Variants in CYRIB observed in about 807,000 individuals in gnomAD.
The protein encoded by CYRIB is CYFIP-related Rac1 interactor B.
CYRIB carries 8 observed loss-of-function variants against 44.2 expected under a neutral mutation model. The ratio of observed to expected loss-of-function variants is 0.18; its 90% CI spans 0.11 to 0.33. The LOEUF (loss-of-function observed/expected upper bound fraction) is 0.33. Among genes scored for constraint, CYRIB ranks in the 10% least tolerant of loss-of-function variants. The pLI, the probability that CYRIB is intolerant of heterozygous loss-of-function variation, is 1.00. For missense variants in CYRIB, 185 were observed against 382.8 expected, an observed-to-expected ratio of 0.48 and a Z score of 4.31; for synonymous variants, 131 against 127.2, an observed-to-expected ratio of 1.03 and a Z score of -0.20.
intron 1 of CYRIB, among the ~76,000 whole-genome samples, chr8:129,918,223 T>C (rs1478496889): frequency 6.6e-6 from 1 of 152,138 alleles, no homozygotes; most frequent in East Asian, 1.9e-4. Context: ...ATGTTTCTAA[T>C]ATATAGCCAG....
At chr8:129,965,813 T>C (rs902259268) in intron 2 of CYRIB, among the ~76,000 whole-genome samples, 2 of 151,002 alleles carry the variant, frequency 1.3e-5, no homozygotes, top group African/African-American at 4.9e-5. Context: ...AAAAAGAATA[T>C]ACATTCAATC....
intron 1 of CYRIB, among the ~76,000 whole-genome samples, chr8:130,001,525 C>CTTTTTTTTTTT (rs1325066581): frequency 1.1e-4 from 13 of 120,346 alleles, no homozygotes; most frequent in Non-Finnish European, 1.9e-4. Context: ...AAAATAATTT[C>CTTTTTTTTTTT]TTTTTTTTTT....
intron 1 of CYRIB, among the ~76,000 whole-genome samples, chr8:129,994,913 C>A (rs976464771): frequency 6.6e-6 from 1 of 152,256 alleles, no homozygotes; most frequent in Non-Finnish European, 1.5e-5. Flanking sequence ...CAACCTCTTC[C>A]TGCCCCTGCA....
At chr8:129,990,497 CGTGTGT>C (rs34534615) in intron 1 of CYRIB, among the ~76,000 whole-genome samples, 1,515 of 147,332 alleles carry the variant, frequency 0.01, 16 homozygotes, top group African/African-American at 0.028. Context: ...TGTGTGTATG[CGTGTGT>C]GTGTGTGTGT....
At chr8:129,862,319 C>T in exon 5 of CYRIB, 3 of 1,610,996 alleles carry the variant, frequency 1.9e-6, no homozygotes, top group Non-Finnish European at 2.5e-6. Context: ...TTCTCATCTG[C>T]TGGATGCTGG....
intron 2 of CYRIB, among the ~76,000 whole-genome samples, chr8:129,883,291 A>AC (rs557583706): frequency 6.6e-6 from 1 of 151,652 alleles, no homozygotes; most frequent in South Asian, 2.1e-4. Flanking sequence ...ACTAGCAGCT[A>AC]CCCCCCATAC....
In CYRIB at chr8:129,854,827, A is replaced by T. The variant is rs146876711; in HGVS notation, c.439-484T>A. Among the ~76,000 whole-genome samples the T allele has an allele frequency of 1.8e-3, 268 of 152,304 alleles. 1 individual carries two copies. The highest frequency in any genetic ancestry group is 6.2e-3 in the African/African-American group (257 of 41,582). ...CAAAGGACGTGCCCAACGTCTCATG[A>T]CTAGGGTTACTGTGGCAGAGTATAA... is the stretch of plus-strand genomic sequence containing the variant. On this transcript the variant is annotated intron_variant, in intron 6 of 11. Transcript: ENST00000519824.
chr8:129,959,059 C>CA (rs60576774), intron 2 of CYRIB, among the ~76,000 whole-genome samples: 1,399 of 68,106 alleles, frequency 0.021, 59 homozygotes, highest in Non-Finnish European at 0.023. Context: ...GACTCTGTCT[C>CA]AAAAAAAAAA....
At chr8:129,979,501 G>A (rs1225495680) in intron 1 of CYRIB, among the ~76,000 whole-genome samples, 1 of 152,200 alleles carries the variant, frequency 6.6e-6, no homozygotes, top group Admixed American at 6.6e-5. Flanking sequence ...GGAAGGATAA[G>A]TGAGAACAGC....
chr8:129,854,228 T>TACACTTACCATCCCCCTAATTC (rs760323077), intron 7 of CYRIB, 38 bp downstream of exon 9: 3 of 1,429,010 alleles, frequency 2.1e-6, no homozygotes, highest in Non-Finnish European at 3.0e-6. Flanking sequence ...AGCACTAAGT[T>TACACTTACCATCCCCCTAATTC]ACTCTTACCA....
chr8:129,853,145 G>A (rs2044244575), intron 7 of CYRIB, among the ~76,000 whole-genome samples: 1 of 152,148 alleles, frequency 6.6e-6, no homozygotes. Context: ...GAAAAAAATT[G>A]GATTTTACCT....
intron 2 of CYRIB, among the ~76,000 whole-genome samples, chr8:129,956,934 G>C (rs1166899555): frequency 6.6e-6 from 1 of 151,028 alleles, no homozygotes; most frequent in South Asian, 2.1e-4. Context: ...GACCTCCAGG[G>C]CTCCAGTGAT....
intron 1 of CYRIB, among the ~76,000 whole-genome samples, chr8:130,006,278 G>C (rs186624247): frequency 1.1e-4 from 16 of 151,784 alleles, no homozygotes; most frequent in African/African-American, 3.6e-4. Context: ...ACTCCAGCTT[G>C]GGTGACAAAG....
chr8:129,960,626 G>A (rs941075642), intron 2 of CYRIB, among the ~76,000 whole-genome samples: 7 of 147,372 alleles, frequency 4.7e-5, no homozygotes, highest in Admixed American at 1.4e-4. Context: ...CAGCCTGGGC[G>A]GCAGAGCGAG....
intron 1 of CYRIB, among the ~76,000 whole-genome samples, chr8:130,013,332 T>C (rs1477328900): frequency 6.6e-6 from 1 of 152,140 alleles, no homozygotes; most frequent in East Asian, 1.9e-4. Flanking sequence ...ACACGAGCAG[T>C]GAGAAAGAAA....
intron 2 of CYRIB, among the ~76,000 whole-genome samples, chr8:129,949,620 C>A (rs1026900978): frequency 1.3e-5 from 2 of 152,048 alleles, no homozygotes; most frequent in African/African-American, 4.8e-5. Context: ...GTAATCCCAG[C>A]ACTTTGGGAG....
intron 1 of CYRIB, among the ~76,000 whole-genome samples, chr8:129,929,934 G>A (rs993578058): frequency 3.3e-5 from 5 of 152,198 alleles, no homozygotes; most frequent in Middle Eastern, 3.4e-3. Context: ...CAAAACTGGC[G>A]AGGTGCGGTG....
intron 1 of CYRIB, among the ~76,000 whole-genome samples, chr8:129,978,220 G>A (rs1016490123): frequency 3.9e-5 from 6 of 152,200 alleles, no homozygotes; most frequent in African/African-American, 9.6e-5. Flanking sequence ...TTGTAGTTTC[G>A]ATCCTCTTAA....
At chr8:129,860,983 G>T (rs1297644230) in intron 5 of CYRIB, among the ~76,000 whole-genome samples, 1 of 151,964 alleles carries the variant, frequency 6.6e-6, no homozygotes, top group Admixed American at 6.6e-5. Flanking sequence ...TAGCTTTTGG[G>T]TCCCCAGTTT....
Sources: gnomAD v4.1 joint callset for allele counts (sites outside exome capture counted in the v4.1 genomes callset) on GRCh38, gnomAD v4.1.1 for gene constraint, MANE v1.5 for transcripts, NCBI Gene and HGNC (gene_info 2026-07-23, HGNC 2026-07-21) for gene names.